MANSC1: variants seen among roughly 807,000 people sequenced by gnomAD.
MANSC1 encodes the protein MANSC domain containing 1.
In MANSC1, 13 loss-of-function variants were observed where a neutral mutation model predicts 14.1. That is an observed-to-expected ratio of 0.92 (90% confidence interval 0.60 to 1.46). MANSC1 has a LOEUF of 1.46. Ranked by LOEUF, MANSC1 falls within the 40% of genes most tolerant of loss-of-function variation. The pLI is 0.00. For missense variants in MANSC1, 486 were observed against 511.4 expected (o/e 0.95, Z 0.48); for synonymous variants, 227 against 200.7 (o/e 1.13, Z -1.11).
rs1862747667 is a variant in MANSC1, at chr12:12,329,130, T to C, written c.*897A>G. On this transcript the variant is annotated 3_prime_UTR_variant, in exon 4 of 4. Transcript: ENST00000535902. The stretch of plus-strand genomic sequence containing the variant: ...TCCGCTAGATTCTCCCAAGTGAAGC[T>C]CTTTGCTCACTGATGGGAAAAAGGG... The C allele has an allele frequency of 6.6e-6, 1 of 152,168 alleles. No individual in the cohort carries two copies. Among genetic ancestry groups the C allele is most frequent in the African/African-American group, 2.4e-5 (1 of 41,438 alleles). The allele number at this position is 152,168 out of a possible 1,614,324, so 9.4% of individuals were successfully genotyped here.
intron 3 of MANSC1, among the ~76,000 whole-genome samples, chr12:12,333,880 C>A (rs1009907390): frequency 6.6e-6 from 1 of 152,194 alleles, no homozygotes; most frequent in South Asian, 2.1e-4. Context: ...TACCAAACTG[C>A]AATGGCTTTA....
chr12:12,341,997 G>GACAA (rs1862940135), intron 2 of MANSC1, among the ~76,000 whole-genome samples: 1 of 152,194 alleles, frequency 6.6e-6, no homozygotes, highest in South Asian at 2.1e-4. Flanking sequence ...CATCATCACA[G>GACAA]ACAAACAAAC....
intron 2 of MANSC1, among the ~76,000 whole-genome samples, chr12:12,340,350 C>G (rs977358238): frequency 6.6e-6 from 1 of 152,198 alleles, no homozygotes; most frequent in Non-Finnish European, 1.5e-5. Context: ...CTCCAACTCC[C>G]GAGATGGGAA....
chr12:12,333,255 C>T (rs1479179243), intron 3 of MANSC1, among the ~76,000 whole-genome samples: 1 of 152,020 alleles, frequency 6.6e-6, no homozygotes, highest in Non-Finnish European at 1.5e-5. Flanking sequence ...CCATGTTGCC[C>T]AGGCTGGTCT....
chr12:12,348,646 A>G (rs550114638), intron 1 of MANSC1, among the ~76,000 whole-genome samples: 1 of 152,094 alleles, frequency 6.6e-6, no homozygotes, highest in South Asian at 2.1e-4. Context: ...GTCAAAACCC[A>G]TAGAAATGTA....
At chr12:12,337,797 A>T (rs1012114095) in intron 3 of MANSC1, among the ~76,000 whole-genome samples, 11 of 152,140 alleles carry the variant, frequency 7.2e-5, no homozygotes, top group Non-Finnish European at 1.5e-4. Flanking sequence ...AATTATATTA[A>T]TTTTTTTGCT....
intron 2 of MANSC1, 57 bp from the exon 3 acceptor site, chr12:12,338,617 G>A: frequency 1.3e-6 from 2 of 1,560,208 alleles, no homozygotes; most frequent in Non-Finnish European, 1.7e-6. Flanking sequence ...AAAGAGTAGG[G>A]CAAGTAGGAA....
intron 3 of MANSC1, among the ~76,000 whole-genome samples, chr12:12,333,986 T>G (rs1452770645): frequency 6.6e-6 from 1 of 152,190 alleles, no homozygotes; most frequent in Non-Finnish European, 1.5e-5. Context: ...CGGTGGCTCA[T>G]GCCTGTAATC....
chr12:12,345,053 T>C (rs1196613747), intron 1 of MANSC1, among the ~76,000 whole-genome samples: 2 of 145,352 alleles, frequency 1.4e-5, no homozygotes, highest in Non-Finnish European at 3.0e-5. Context: ...CGGTGGCTCA[T>C]GCCTGTAATC....
chr12:12,332,522 A>C (rs1411277222), intron 3 of MANSC1, among the ~76,000 whole-genome samples: 2 of 152,058 alleles, frequency 1.3e-5, no homozygotes, highest in Admixed American at 6.6e-5. Context: ...ACGTTTTTTA[A>C]AATTTTTATT....
In MANSC1 at chr12:12,343,070, T is replaced by A. The variant is rs560009597; in HGVS notation, c.223+22A>T. Reference sequence around the variant, plus strand: ...GCCACAAAACACATGGAACAAAGGATTGCCAAGAAACCACTATTTACCTGA... The same window carrying A: ...GCCACAAAACACATGGAACAAAGGAATGCCAAGAAACCACTATTTACCTGA... On this transcript the variant is annotated intron_variant, in intron 2 of 3. Coordinates refer to ENST00000535902, the MANE Select transcript of MANSC1 (RefSeq NM_018050.4). 7.1e-6 allele frequency: 11 copies of A among 1,555,442 alleles called. No homozygotes were observed. In the Admixed American group the frequency reaches 1.8e-4, roughly 26 times the overall value.
rs1171238819 is a variant in MANSC1, at chr12:12,328,660, A to G, written c.*1367T>C. 2.0e-5 allele frequency: 3 copies of G among 151,810 alleles called. No homozygotes were observed. The East Asian group carries it at 5.8e-4, about 30-fold the overall frequency. The allele number at this position is 151,810 out of a possible 1,614,324, so 9.4% of individuals were successfully genotyped here. A position where few individuals can be genotyped will look rare whatever the true frequency, so the allele number is the denominator to read the frequency against. On this transcript the variant is annotated 3_prime_UTR_variant, in exon 4 of 4. Coordinates refer to ENST00000535902, the MANE Select transcript of MANSC1 (RefSeq NM_018050.4). ...AATAGTGGTACATTTTTAACTTAGT[A>G]CAAGTTTAGAAAATGTCTATAATAC...
Position 12,338,410 on chromosome 12 carries a change from C to T in MANSC1, c.364+10G>A. 2 of 1,574,640 alleles carry T rather than the reference C, an allele frequency of 1.3e-6. No homozygotes were observed. Among genetic ancestry groups the T allele is most frequent in the Non-Finnish European group, 1.7e-6 (2 of 1,165,348 alleles). On this transcript the variant is annotated intron_variant, in intron 3 of 3. Transcript: ENST00000535902. ...CAATCACAAAAGAAAAAGTATAATG[C>T]TTTCATTACCTGTAATTATCCTGTA...
chr12:12,347,375 C>T (rs370906014), intron 1 of MANSC1, among the ~76,000 whole-genome samples: 28 of 152,272 alleles, frequency 1.8e-4, no homozygotes, highest in African/African-American at 6.3e-4. Flanking sequence ...CACCACTGAT[C>T]TGACAGGAGG....
At chr12:12,342,097 C>G (rs1170056736) in intron 2 of MANSC1, among the ~76,000 whole-genome samples, 1 of 152,394 alleles carries the variant, frequency 6.6e-6, no homozygotes, top group East Asian at 1.9e-4. Flanking sequence ...CGTGCACCAG[C>G]ACGCCTGGCT....
intron 3 of MANSC1, among the ~76,000 whole-genome samples, chr12:12,334,531 G>T (rs775644288): frequency 1.3e-5 from 2 of 152,104 alleles, no homozygotes; most frequent in Admixed American, 1.3e-4. Flanking sequence ...TTGGTGCCAC[G>T]TTGCCCCTAG....
chr12:12,335,387 C>T (rs1304749783), intron 3 of MANSC1, among the ~76,000 whole-genome samples: 1 of 151,180 alleles, frequency 6.6e-6, no homozygotes, highest in Non-Finnish European at 1.5e-5. Flanking sequence ...GTCGTGCAGG[C>T]TAGAGTGCAG....
At chr12:12,349,134 T>A (rs188270645) in intron 1 of MANSC1, among the ~76,000 whole-genome samples, 1 of 152,364 alleles carries the variant, frequency 6.6e-6, no homozygotes, top group Admixed American at 6.5e-5. Flanking sequence ...TTTGCCTACA[T>A]TCCATTTCAG....
At chr12:12,334,516 C>T (rs1862832852) in intron 3 of MANSC1, among the ~76,000 whole-genome samples, 2 of 152,148 alleles carry the variant, frequency 1.3e-5, no homozygotes, top group Admixed American at 6.5e-5. Context: ...ATACTATGTC[C>T]GGGGTTGGTG....
Sources: gnomAD v4.1 joint callset for allele counts (sites outside exome capture counted in the v4.1 genomes callset) on GRCh38, gnomAD v4.1.1 for gene constraint, MANE v1.5 for transcripts, NCBI Gene and HGNC (gene_info 2026-07-23, HGNC 2026-07-21) for gene names.